Variants in ZNF292 observed in about 807,000 individuals in gnomAD.
ZNF292 encodes the protein 16 zinc-finger domain protein.
In ZNF292, 26 loss-of-function variants were observed where a neutral mutation model predicts 217.9. The observed-to-expected ratio is 0.12, with a 90% CI of 0.09 to 0.17. The LOEUF (loss-of-function observed/expected upper bound fraction) is 0.17, where lower values mean the gene tolerates loss of function less well. Ranked by LOEUF, ZNF292 falls within the 10% of genes least tolerant of loss-of-function variation. ZNF292 has a pLI of 1.00. For missense variants in ZNF292, 2,904 were observed against 3,175.2 expected (o/e 0.91, Z 2.05); for synonymous variants, 1,257 against 1,124.1 (o/e 1.12, Z -2.37).
At chr6:87,175,650 A>G (rs572735252) in intron 1 of ZNF292, among the ~76,000 whole-genome samples, 56 of 152,316 alleles carry the variant, frequency 3.7e-4, no homozygotes, top group Non-Finnish European at 6.2e-4. Context: ...AGAAAATGTT[A>G]TTTTAATGGT....
rs141403535 is a variant in ZNF292 at position 87,261,016 on chromosome 6, A to G, written c.7387A>G (p.Arg2463Gly). ...TGTATCAGAGAGCAATGATAATTCA[A>G]GAACAACAGCTACAGTTTCACAAAA... ...TCVSESNDNS[R>G]TTATVSQKEV... is the part of the protein sequence containing the mutation. The change falls in exon 8 of 8, where the codon AGA becomes GGA. Residue 2463 changes from arginine (R) to glycine (G), a missense_variant. Physicochemically the swap from Arg to Gly is moderately radical, Grantham distance 125. Transcript: ENST00000369577. The G allele has an allele frequency of 6.4e-4, 1,024 of 1,604,754 alleles. 3 individuals carry two copies. In the African/African-American group the frequency reaches 0.012, roughly 19 times the overall value.
Position 87,259,006 on chromosome 6 carries a change from A to G in ZNF292, c.5377A>G (p.Ile1793Val), listed in dbSNP as rs1326906879. ...TSQNAQINYN[I>V]QLPSVNTVQN... ...ACAAAATGCTCAAATAAATTATAACATTCAGCTTCCTTCAGTAAACACTGT... is the reference window on the plus strand; with the variant it reads ...ACAAAATGCTCAAATAAATTATAACGTTCAGCTTCCTTCAGTAAACACTGT... Residue 1793 changes from isoleucine to valine, a missense_variant, in exon 8 of 8, where the codon ATT becomes GTT. Physicochemically the swap from Ile to Val is conservative, Grantham distance 29. Around this residue, in one of 15 missense-constraint regions of ZNF292, gnomAD observed 622 missense variants for 573.1 expected, o/e 1.09. Transcript: ENST00000369577. The G allele has an allele frequency of 2.5e-6, 4 of 1,613,456 alleles. No homozygotes were observed. Among genetic ancestry groups the G allele is most frequent in the Non-Finnish European group, 3.4e-6 (4 of 1,179,690 alleles).
In ZNF292 at chr6:87,261,171, TCAGGAAGATAACCTCTGC is replaced by T; in HGVS notation, c.7546_7563del (p.Glu2516_Gln2521del). The T allele has an allele frequency of 6.2e-7, 1 of 1,613,170 alleles. No individual in the cohort carries two copies. The highest frequency in any genetic ancestry group is 1.7e-4 in the Middle Eastern group (1 of 6,058). The stretch of plus-strand genomic sequence containing the variant: ...CTTCTTCAAATGTAAGTAATGATTT[TCAGGAAGATAACCTCTGC>T]CAGTCAGAAAGACAAAAAGCAAGTA... On this transcript the variant is annotated inframe_deletion, in exon 8 of 8. Transcript: ENST00000369577.
chr6:87,253,148 A>G (rs895617440), intron 7 of ZNF292, among the ~76,000 whole-genome samples: 1 of 149,776 alleles, frequency 6.7e-6, no homozygotes, highest in African/African-American at 2.5e-5. Flanking sequence ...CTTGGCCTCA[A>G]TCAGTCCCTC....
intron 5 of ZNF292, among the ~76,000 whole-genome samples, chr6:87,240,286 A>G (rs1164352984): frequency 6.9e-6 from 1 of 145,684 alleles, no homozygotes; most frequent in South Asian, 2.3e-4. Context: ...GGTTGCAGTG[A>G]GCAGAGATGG....
rs531448883 is a variant in ZNF292 at position 87,244,283 on chromosome 6, C to A, written c.878+672C>A. 5.9e-5 allele frequency among the ~76,000 whole-genome samples: 9 copies of A among 152,068 alleles called. No individual in the cohort carries two copies. The South Asian group carries it at 1.5e-3, about 25-fold the overall frequency. Reference sequence around the variant, plus strand: ...TATAAAGGATTTCTGAGCATTGAGCCTCGTTATGAAGGAAAAATAGTATAT... The same window carrying A: ...TATAAAGGATTTCTGAGCATTGAGCATCGTTATGAAGGAAAAATAGTATAT... On this transcript the variant is annotated intron_variant, in intron 6 of 7. Transcript: ENST00000369577.
Position 87,264,343 on chromosome 6 carries a change from C to A in ZNF292, c.*2542C>A, listed in dbSNP as rs1775745527. ...GAATTGTATTATTCAAAATACATCACCTTAAGTGAAATGTAACAGTTTTTG... is the reference window on the plus strand; with the variant it reads ...GAATTGTATTATTCAAAATACATCAACTTAAGTGAAATGTAACAGTTTTTG... On this transcript the variant is annotated 3_prime_UTR_variant, in exon 8 of 8. Coordinates refer to ENST00000369577, the MANE Select transcript of ZNF292 (RefSeq NM_015021.3). 1 of 152,090 alleles carries A rather than the reference C, an allele frequency of 6.6e-6. No homozygotes were observed. The highest frequency in any genetic ancestry group is 1.5e-5 in the Non-Finnish European group (1 of 68,032). The allele number at this position is 152,090 out of a possible 1,614,324, so 9.4% of individuals were successfully genotyped here.
intron 1 of ZNF292, among the ~76,000 whole-genome samples, chr6:87,165,037 A>G (rs917994935): frequency 1.3e-5 from 2 of 151,814 alleles, no homozygotes; most frequent in Admixed American, 1.3e-4. Flanking sequence ...TGCCGGGATT[A>G]CAGGCGTGAG....
intron 3 of ZNF292, among the ~76,000 whole-genome samples, chr6:87,218,171 T>G (rs1772884024): frequency 6.6e-6 from 1 of 152,178 alleles, no homozygotes. Context: ...CTTTTTGTAA[T>G]TCCCTTTTAT....
intron 1 of ZNF292, among the ~76,000 whole-genome samples, chr6:87,178,385 T>C (rs1771368441): frequency 6.6e-6 from 1 of 152,222 alleles, no homozygotes; most frequent in Non-Finnish European, 1.5e-5. Flanking sequence ...AGCTGTTCTT[T>C]ACTGAAATTA....
chr6:87,218,628 C>T lies in ZNF292; in HGVS notation c.435C>T (p.Ser145=). 1 of 1,568,424 alleles carries T rather than the reference C, an allele frequency of 6.4e-7. No homozygotes were observed. The highest frequency in any genetic ancestry group is 8.6e-7 in the Non-Finnish European group (1 of 1,156,816). Residue 145 remains serine, a synonymous_variant, in exon 4 of 8, where the codon AGC becomes AGT. Coordinates refer to ENST00000369577, the MANE Select transcript of ZNF292 (RefSeq NM_015021.3). ...ATGAAAAGCTGATGGAGAATGGCAG[C>T]TGTGAATTGCATTTTTTAGCTACTC... is the stretch of plus-strand genomic sequence containing the variant. The part of the protein sequence containing the change: ...VAHEKLMENG[S]CELHFLATLA...
At chr6:87,205,882 G>A (rs930754582) in intron 1 of ZNF292, among the ~76,000 whole-genome samples, 1 of 151,974 alleles carries the variant, frequency 6.6e-6, no homozygotes, top group Admixed American at 6.6e-5. Context: ...ATTTAAGTTG[G>A]CTACTTAGTT....
intron 4 of ZNF292, among the ~76,000 whole-genome samples, chr6:87,232,767 A>G (rs1305356241): frequency 6.6e-6 from 1 of 151,868 alleles, no homozygotes; most frequent in Non-Finnish European, 1.5e-5. Flanking sequence ...CTTTTCTCCC[A>G]TCTTATTTAT....
intron 1 of ZNF292, among the ~76,000 whole-genome samples, chr6:87,189,032 C>T (rs1238724737): frequency 6.6e-6 from 1 of 151,912 alleles, no homozygotes; most frequent in Admixed American, 6.6e-5. Context: ...TGGCAAAACC[C>T]TGTCTCTACT....
chr6:87,227,698 C>G lies in ZNF292; in HGVS notation c.539-5627C>G, dbSNP rs142175943. On this transcript the variant is annotated intron_variant, in intron 4 of 7. Coordinates refer to ENST00000369577, the MANE Select transcript of ZNF292 (RefSeq NM_015021.3). Reference sequence around the variant, plus strand: ...ATAAACAGTATCATATCATATTTTTCTTTTTATGACTGACTTATTTCACTT... The same window carrying G: ...ATAAACAGTATCATATCATATTTTTGTTTTTATGACTGACTTATTTCACTT... Among the ~76,000 whole-genome samples the G allele has an allele frequency of 4.4e-3, 666 of 152,200 alleles. 2 individuals are homozygous for G. The highest frequency in any genetic ancestry group is 0.015 in the African/African-American group (632 of 41,528).
At chr6:87,240,629 C>T (rs963508916) in intron 5 of ZNF292, among the ~76,000 whole-genome samples, 7 of 152,124 alleles carry the variant, frequency 4.6e-5, no homozygotes, top group African/African-American at 1.7e-4. Context: ...CTATGTTGGT[C>T]AGGCTGGTCT....
At chr6:87,198,185 TTTATTTA>T (rs1772011818) in intron 1 of ZNF292, among the ~76,000 whole-genome samples, 1 of 24,042 alleles carries the variant, frequency 4.2e-5, no homozygotes, top group Non-Finnish European at 6.5e-5. Context: ...GTTTATTTTA[TTTATTTA>T]TTTATTTATT....
Position 87,256,819 on chromosome 6 carries a change from C to T in ZNF292, c.3190C>T (p.Pro1064Ser), listed in dbSNP as rs201859341. The T allele has an allele frequency of 4.3e-4, 699 of 1,613,636 alleles. 1 individual carries two copies. The highest frequency in any genetic ancestry group is 5.1e-4 in the Non-Finnish European group (602 of 1,179,802). ...VKTSSNLYNL[P>S]LKTLESIAFV... ...AACATCATCCAATCTTTATAATTTA[C>T]CTCTTAAGACATTAGAAAGTATTGC... is the stretch of plus-strand genomic sequence containing the variant. The change falls in exon 8 of 8, where the codon CCT (proline) becomes TCT (serine). Residue 1064 changes from proline (P) to serine (S), a missense_variant. Pro to Ser is a moderately conservative substitution (Grantham distance 74, BLOSUM62 -1). Around this residue, in one of 15 missense-constraint regions of ZNF292, gnomAD observed 687 missense variants for 623.0 expected, o/e 1.10. Coordinates refer to ENST00000369577, the MANE Select transcript of ZNF292 (RefSeq NM_015021.3).
Position 87,261,078 on chromosome 6 carries a change from A to G in ZNF292, c.7449A>G (p.Glu2483=), listed in dbSNP as rs758740328. The change falls in exon 8 of 8, where the codon GAA becomes GAG. Residue 2483 remains glutamate (E), a synonymous_variant. Coordinates refer to ENST00000369577, the MANE Select transcript of ZNF292 (RefSeq NM_015021.3). ...AAAATGAAAAAGATGAAATGGATGA[A>G]CTAACAGAATTGTTTATTACAAAAT... is the stretch of plus-strand genomic sequence containing the variant. ...VEKNEKDEMD[E]LTELFITKLI... is the part of the protein sequence containing the mutation. 6 of 1,608,726 alleles carry G rather than the reference A, an allele frequency of 3.7e-6. No individual in the cohort carries two copies. Among genetic ancestry groups the G allele is most frequent in the African/African-American group, 2.7e-5 (2 of 74,702 alleles).
Sources: allele counts gnomAD v4.1 joint callset (sites outside exome capture counted in the v4.1 genomes callset), GRCh38; gene constraint gnomAD v4.1.1; regional missense constraint gnomAD v4.1.1; transcripts MANE v1.5; gene names NCBI Gene and HGNC (gene_info 2026-07-23, HGNC 2026-07-21).